The following WDFY3 variants were observed in gnomAD, a reference collection of about 807,000 sequenced individuals.
The protein encoded by WDFY3 is WD repeat and FYVE domain-containing protein 3.
WDFY3 carries 66 observed loss-of-function variants against 409.6 expected under a neutral mutation model. That is an observed-to-expected ratio of 0.16 (90% confidence interval 0.13 to 0.20). The LOEUF is 0.20. WDFY3 is among the 10% of genes least tolerant of loss of function. WDFY3 has a pLI of 1.00. For missense variants in WDFY3, 3,031 were observed against 4,298.1 expected, an observed-to-expected ratio of 0.71 and a Z score of 8.24; for synonymous variants, 1,521 against 1,537.1, an observed-to-expected ratio of 0.99 and a Z score of 0.25.
At chr4:84,924,529 C>T (rs1478191774) in intron 2 of WDFY3, among the ~76,000 whole-genome samples, 2 of 152,200 alleles carry the variant, frequency 1.3e-5, no homozygotes, top group Admixed American at 1.3e-4. Flanking sequence ...ACAACAATCA[C>T]ATGAAGTAGA....
Position 84,675,427 on chromosome 4 carries a change from C to A in WDFY3, c.10457+1772G>T, listed in dbSNP as rs1221939308. Among the ~76,000 whole-genome samples the A allele has an allele frequency of 3.9e-5, 6 of 152,278 alleles. No individual in the cohort carries two copies. The East Asian group carries it at 1.2e-3, about 29-fold the overall frequency. ...GTTTAAGGAATCAAATGATGGAACA[C>A]CTGTTTTGCCAGACTCTGAACTTGG... On this transcript the variant is annotated intron_variant, in intron 67 of 67. Coordinates refer to ENST00000295888, the MANE Select transcript of WDFY3 (RefSeq NM_014991.6).
intron 1 of WDFY3, among the ~76,000 whole-genome samples, chr4:84,936,672 AGCAGTTTTAGAGTCCTCCTAAG>A (rs948674114): frequency 6.6e-6 from 1 of 152,116 alleles, no homozygotes; most frequent in Non-Finnish European, 1.5e-5. Context: ...ATTTTTAACA[AGCAGTTTTAGAGTCCTCCTAAG>A]GCCTCCCAGG....
At chr4:84,796,833 C>A in intron 18 of WDFY3, 81 bp from the exon 19 acceptor site, 1 of 1,164,534 alleles carries the variant, frequency 8.6e-7, no homozygotes, top group South Asian at 1.5e-5. Context: ...TTTGTAAATA[C>A]CACTTCAGTT....
intron 47 of WDFY3, among the ~76,000 whole-genome samples, chr4:84,719,913 C>T (rs906120073): frequency 5.9e-5 from 9 of 152,116 alleles, no homozygotes; most frequent in Non-Finnish European, 1.3e-4. Context: ...TACATTTGAA[C>T]GGAACTGTTT....
rs1240642473 is a variant in WDFY3 at position 84,817,416 on chromosome 4, C to T, written c.1863G>A (p.Leu621=). Residue 621 remains leucine (L), a synonymous_variant, in exon 13 of 68, where the codon TTG becomes TTA. Transcript: ENST00000295888. ...CCCTTAAAATATCAGTCTTCAACTG[C>T]AATTCCGTCGGTGGGGCTGAATGCA... is the stretch of plus-strand genomic sequence containing the variant. ...GLMHSAPPTE[L]QLKTDILRAL... The T allele has an allele frequency of 1.5e-5, 24 of 1,613,550 alleles. No homozygotes were observed. Among genetic ancestry groups the T allele is most frequent in the Non-Finnish European group, 2.0e-5 (24 of 1,179,692 alleles).
Position 84,820,140 on chromosome 4 carries a change from A to C in WDFY3, c.1638T>G (p.Ala546=). The C allele has an allele frequency of 6.2e-7, 1 of 1,608,732 alleles. No homozygotes were observed. Among genetic ancestry groups the C allele is most frequent in the South Asian group, 1.1e-5 (1 of 90,434 alleles). ...CTGTCAAGGTCTCCATAACCAATAA[A>C]GCCAGGTGTTTTTGGTCTTCAACTG... The part of the protein sequence containing the change: ...NSSVEDQKHL[A]LLVMETLTVL... The change falls in exon 12 of 68, where the codon GCT becomes GCG. Residue 546 remains alanine (A), a synonymous_variant. Coordinates refer to ENST00000295888, the MANE Select transcript of WDFY3 (RefSeq NM_014991.6).
chr4:84,776,283 T>C (rs1745535094), intron 27 of WDFY3, among the ~76,000 whole-genome samples: 1 of 152,044 alleles, frequency 6.6e-6, no homozygotes, highest in Non-Finnish European at 1.5e-5. Flanking sequence ...CTAAAAATTG[T>C]ACATGGCATT....
chr4:84,750,957 T>C (rs977505703), intron 36 of WDFY3, among the ~76,000 whole-genome samples: 4 of 152,216 alleles, frequency 2.6e-5, no homozygotes, highest in Non-Finnish European at 4.4e-5. Flanking sequence ...TACCTGGCAA[T>C]GACAGGTAAG....
chr4:84,956,770 T>C (rs1295356099), intron 1 of WDFY3, among the ~76,000 whole-genome samples: 4 of 152,074 alleles, frequency 2.6e-5, no homozygotes, highest in African/African-American at 9.7e-5. Context: ...TTTTAAGGCT[T>C]ACAAGTATCT....
At position 84,933,834 on chromosome 4, in the gene WDFY3, A is replaced by G. The variant is rs202205787; in HGVS notation, c.-225-1471T>C. ...AACATAATGTCCTCCAGTTTCATCT[A>G]TGTTGTTGCAAATGACAGGATCTCA... On this transcript the variant is annotated intron_variant, in intron 1 of 67. Transcript: ENST00000295888. 2.0e-5 allele frequency among the ~76,000 whole-genome samples: 3 copies of G among 152,226 alleles called. 1 individual carries two copies. In the East Asian group the frequency reaches 5.8e-4, roughly 29 times the overall value.
chr4:84,789,880 A>C lies in WDFY3; in HGVS notation c.3515T>G (p.Phe1172Cys). The C allele has an allele frequency of 6.2e-7, 1 of 1,614,150 alleles. No individual in the cohort carries two copies. Among genetic ancestry groups the C allele is most frequent in the Non-Finnish European group, 8.5e-7 (1 of 1,180,036 alleles). Residue 1172 changes from phenylalanine to cysteine, a missense_variant, in exon 22 of 68, where the codon TTT becomes TGT. Transcript: ENST00000295888. Reference protein sequence around the residue: ...YVDDFSEESSFYEILPCCARF... With the variant: ...YVDDFSEESSCYEILPCCARF... ...AGCACAGCATGGGAGAATTTCATAA[A>C]ATGAGGACTCTTCACTAAAATCATC...
intron 65 of WDFY3, 124 bp downstream of exon 65, chr4:84,678,795 A>G (rs1726804449): frequency 9.5e-7 from 1 of 1,048,584 alleles, no homozygotes; most frequent in Non-Finnish European, 1.4e-6. Flanking sequence ...ATTCTGTGTG[A>G]GTGGCCCAGC....
At chr4:84,693,641 TA>T (rs1167765188) in intron 58 of WDFY3, among the ~76,000 whole-genome samples, 2 of 152,170 alleles carry the variant, frequency 1.3e-5, no homozygotes, top group African/African-American at 4.8e-5. Context: ...CTCATGCCTG[TA>T]ATCCCAGCAC....
rs71670883 is a variant in WDFY3 at position 84,797,557 on chromosome 4, CTTATTTAT to C, written c.2935+431_2935+438del. ...TAGCAAAGGAAATCACAACTCAATT[CTTATTTAT>C]TTATTTATTTATTTATTTATTTATT... On this transcript the variant is annotated intron_variant, in intron 18 of 67. Transcript: ENST00000295888. 5.5e-3 allele frequency among the ~76,000 whole-genome samples: 806 copies of C among 145,708 alleles called. 6 individuals are homozygous for C. The highest frequency in any genetic ancestry group is 0.019 in the African/African-American group (740 of 39,494).
At chr4:84,961,620 T>C (rs1261939176) in intron 1 of WDFY3, among the ~76,000 whole-genome samples, 2 of 152,146 alleles carry the variant, frequency 1.3e-5, no homozygotes, top group African/African-American at 4.8e-5. Flanking sequence ...GCTGCAGCCT[T>C]CATAGTGAGA....
At chr4:84,819,698 A>C (rs1753794576) in intron 12 of WDFY3, among the ~76,000 whole-genome samples, 1 of 152,108 alleles carries the variant, frequency 6.6e-6, no homozygotes, top group Non-Finnish European at 1.5e-5. Flanking sequence ...GTATTTCCTG[A>C]AGGTTGTAAC....
At chr4:84,755,450 G>A (rs1257710014) in intron 33 of WDFY3, 50 bp from the exon 34 acceptor site, 2 of 1,567,252 alleles carry the variant, frequency 1.3e-6, no homozygotes, top group South Asian at 1.2e-5. Flanking sequence ...TTTTTCAGTA[G>A]AGACCCTCAT....
chr4:84,916,855 C>T (rs919237966), intron 2 of WDFY3, among the ~76,000 whole-genome samples: 4 of 152,158 alleles, frequency 2.6e-5, no homozygotes, highest in South Asian at 2.1e-4. Flanking sequence ...TTCTATGTTA[C>T]ATTTAGACTC....
At chr4:84,962,033 G>T (rs536643572) in intron 1 of WDFY3, among the ~76,000 whole-genome samples, 1 of 152,208 alleles carries the variant, frequency 6.6e-6, no homozygotes, top group African/African-American at 2.4e-5. Flanking sequence ...ATTCATATTT[G>T]ATCAAAACTA....
Sources: allele counts gnomAD v4.1 joint callset (sites outside exome capture counted in the v4.1 genomes callset), GRCh38; gene constraint gnomAD v4.1.1; transcripts MANE v1.5; gene names NCBI Gene and HGNC (gene_info 2026-07-23, HGNC 2026-07-21).